Variants in RNGTT observed in about 807,000 individuals in gnomAD.
RNGTT encodes the protein RNA guanylyltransferase and 5'-phosphatase, also known as mRNA-capping enzyme.
In RNGTT, 33 loss-of-function variants were observed where a neutral mutation model predicts 79.3. The ratio of observed to expected loss-of-function variants is 0.42; its 90% CI spans 0.32 to 0.56. The LOEUF (loss-of-function observed/expected upper bound fraction) is 0.56. Ranked by LOEUF, RNGTT falls within the 20% of genes least tolerant of loss-of-function variation. The pLI is 0.17. For missense variants in RNGTT, 497 were observed against 739.1 expected (o/e 0.67, Z 3.80); for synonymous variants, 222 against 235.9 (o/e 0.94, Z 0.54).
chr6:88,816,756 T>C (rs535836436), intron 11 of RNGTT, among the ~76,000 whole-genome samples: 4 of 152,304 alleles, frequency 2.6e-5, no homozygotes, highest in African/African-American at 9.6e-5. Context: ...AAACCTATTC[T>C]AATTATATCT....
intron 13 of RNGTT, among the ~76,000 whole-genome samples, chr6:88,735,839 T>C (rs2144479): frequency 0.13 from 19,743 of 151,754 alleles, 1,453 homozygotes; most frequent in Middle Eastern, 0.23. Flanking sequence ...AGGGCAGAAA[T>C]CAATGAACTT....
intron 2 of RNGTT, among the ~76,000 whole-genome samples, chr6:88,933,831 T>G (rs1784582063): frequency 6.6e-6 from 1 of 152,236 alleles, no homozygotes; most frequent in Admixed American, 6.5e-5. Context: ...TTGATAAAAT[T>G]ATTTCTGTTC....
At chr6:88,750,314 G>A (rs1231274506) in intron 13 of RNGTT, among the ~76,000 whole-genome samples, 1 of 152,086 alleles carries the variant, frequency 6.6e-6, no homozygotes, top group Non-Finnish European at 1.5e-5. Flanking sequence ...GGGTAATATG[G>A]TAAGACCAGT....
At chr6:88,900,133 CAAA>C (rs36070813) in intron 6 of RNGTT, among the ~76,000 whole-genome samples, 5 of 131,608 alleles carry the variant, frequency 3.8e-5, no homozygotes, top group African/African-American at 1.1e-4. Context: ...CTCAAATATG[CAAA>C]AAAAAAAAAA....
intron 2 of RNGTT, among the ~76,000 whole-genome samples, chr6:88,930,980 G>A (rs1468075637): frequency 6.6e-6 from 1 of 152,044 alleles, no homozygotes; most frequent in Non-Finnish European, 1.5e-5. Flanking sequence ...AAATGCTTGG[G>A]ACTTGAAGTG....
rs535398255 is a variant in RNGTT, at chr6:88,957,464, G to A, written c.64+5882C>T. Reference sequence around the variant, plus strand: ...ACTGATGATATGATTGTATACATAGGAAACCCTAAAGACTCATCCAAAAAG... The same window carrying A: ...ACTGATGATATGATTGTATACATAGAAAACCCTAAAGACTCATCCAAAAAG... On this transcript the variant is annotated intron_variant, in intron 1 of 15. Transcript: ENST00000369485. Among the ~76,000 whole-genome samples, 4 of 152,156 alleles carry A rather than the reference G, an allele frequency of 2.6e-5. No individual in the cohort carries two copies. The East Asian group carries it at 7.7e-4, about 29-fold the overall frequency.
chr6:88,771,315 G>GTGTA lies in RNGTT; in HGVS notation c.1339-1442_1339-1441insTACA, dbSNP rs1303688973. ...ACTGTATGTATGTATGTGTGTGTGT[G>GTGTA]TATATATATATATATATATATATAT... On this transcript the variant is annotated intron_variant, in intron 12 of 15. Coordinates refer to ENST00000369485, the MANE Select transcript of RNGTT (RefSeq NM_003800.5). Among the ~76,000 whole-genome samples, 265 of 61,980 alleles carry GTGTA rather than the reference G, an allele frequency of 4.3e-3. 3 individuals are homozygous for GTGTA. Among genetic ancestry groups the GTGTA allele is most frequent in the East Asian group, 0.013 (26 of 2,012 alleles). 40.7% of individuals were successfully genotyped at this position (61,980 alleles called of 152,430 possible).
chr6:88,918,242 G>C (rs1006496340), intron 4 of RNGTT, among the ~76,000 whole-genome samples: 1 of 152,076 alleles, frequency 6.6e-6, no homozygotes, highest in Non-Finnish European at 1.5e-5. Context: ...AAGATTGCTC[G>C]AGACCAGGAG....
At chr6:88,662,957 T>G (rs896289824) in intron 14 of RNGTT, among the ~76,000 whole-genome samples, 4 of 152,186 alleles carry the variant, frequency 2.6e-5, no homozygotes, top group Non-Finnish European at 5.9e-5. Context: ...TGGTTTTCAT[T>G]TTGACTAGAT....
At chr6:88,739,496 T>C (rs975249812) in intron 13 of RNGTT, among the ~76,000 whole-genome samples, 2 of 151,942 alleles carry the variant, frequency 1.3e-5, no homozygotes, top group African/African-American at 4.8e-5. Context: ...GCAGAAAAAT[T>C]TTAAGTAAAC....
chr6:88,754,083 G>A (rs1156675150), intron 13 of RNGTT, among the ~76,000 whole-genome samples: 1 of 152,092 alleles, frequency 6.6e-6, no homozygotes, highest in East Asian at 1.9e-4. Flanking sequence ...AGACTACTTG[G>A]AAATTAAAAA....
intron 8 of RNGTT, among the ~76,000 whole-genome samples, chr6:88,872,345 G>C (rs1301286547): frequency 6.6e-6 from 1 of 151,992 alleles, no homozygotes; most frequent in Non-Finnish European, 1.5e-5. Context: ...GTGGACCCTT[G>C]AAATGACAAC....
intron 11 of RNGTT, among the ~76,000 whole-genome samples, chr6:88,808,923 T>A (rs1780047261): frequency 6.6e-6 from 1 of 151,572 alleles, no homozygotes; most frequent in Non-Finnish European, 1.5e-5. Flanking sequence ...TGCCACTGAA[T>A]TCCAGCCTGA....
chr6:88,671,228 C>CT (rs1774627995), intron 14 of RNGTT, among the ~76,000 whole-genome samples: 1 of 152,110 alleles, frequency 6.6e-6, no homozygotes, highest in Non-Finnish European at 1.5e-5. Flanking sequence ...CAAAAAGCTC[C>CT]TAGATCTGAT....
chr6:88,932,674 C>G (rs1371317891), intron 2 of RNGTT, among the ~76,000 whole-genome samples: 1 of 152,146 alleles, frequency 6.6e-6, no homozygotes, highest in East Asian at 1.9e-4. Context: ...GTTCCCCCAA[C>G]AGATTATAGC....
At chr6:88,850,933 A>T (rs903560183) in intron 9 of RNGTT, among the ~76,000 whole-genome samples, 7 of 152,038 alleles carry the variant, frequency 4.6e-5, no homozygotes, top group African/African-American at 1.7e-4. Context: ...TGCTATGAAT[A>T]ACAGGGAACC....
rs138941188 is a variant in RNGTT at position 88,765,514 on chromosome 6, A to G, written c.1439+4260T>C. Among the ~76,000 whole-genome samples the G allele has an allele frequency of 7.9e-5, 12 of 152,324 alleles. No homozygotes were observed. In the East Asian group the frequency reaches 2.3e-3, roughly 29 times the overall value. On this transcript the variant is annotated intron_variant, in intron 13 of 15. Coordinates refer to ENST00000369485, the MANE Select transcript of RNGTT (RefSeq NM_003800.5). Reference sequence around the variant, plus strand: ...TTTTCATCTTAGCCCATTAGCTTGTAAATTCTATAAAGGCAGACTTATATT... The same window carrying G: ...TTTTCATCTTAGCCCATTAGCTTGTGAATTCTATAAAGGCAGACTTATATT...
chr6:88,678,160 A>G (rs981414101), intron 14 of RNGTT, 193 bp downstream of exon 14: 1 of 1,196,806 alleles, frequency 8.4e-7, no homozygotes, highest in African/African-American at 1.6e-5. Flanking sequence ...CTAATGACAA[A>G]AAATTTTTCT....
At chr6:88,726,926 A>G (rs973369623) in intron 13 of RNGTT, among the ~76,000 whole-genome samples, 6 of 151,830 alleles carry the variant, frequency 4.0e-5, no homozygotes, top group African/African-American at 1.5e-4. Context: ...TTGTGGCCTT[A>G]GACGGTCTAG....
Sources: gnomAD v4.1 joint callset for allele counts (sites outside exome capture counted in the v4.1 genomes callset) on GRCh38, gnomAD v4.1.1 for gene constraint, MANE v1.5 for transcripts, NCBI Gene and HGNC (gene_info 2026-07-23, HGNC 2026-07-21) for gene names.